Variants in RYR2 observed in about 807,000 individuals in gnomAD.
The protein encoded by RYR2 is cardiac muscle ryanodine receptor-calcium release channel.
Under a neutral mutation model 601.1 loss-of-function variants are expected in RYR2, and 227 were observed. That is an observed-to-expected ratio of 0.38 (90% CI 0.34 to 0.42). The LOEUF (loss-of-function observed/expected upper bound fraction) is 0.42, where lower values mean the gene tolerates loss of function less well. Among genes scored for constraint, RYR2 ranks in the 10% least tolerant of loss-of-function variants. RYR2 has a pLI of 1.00. For missense variants in RYR2, 4,646 were observed against 6,156.5 expected (o/e 0.75, Z 8.21); for synonymous variants, 2,223 against 2,175.1 (o/e 1.02, Z -0.61).
intron 28 of RYR2, 58 bp from the exon 29 acceptor site, chr1:237,569,087 G>A (rs1240949533): frequency 1.3e-6 from 2 of 1,519,572 alleles, no homozygotes; most frequent in African/African-American, 2.7e-5. Flanking sequence ...AGAGTGGTGG[G>A]TGGGTGCGAT....
At chr1:237,488,392 G>A (rs372657540) in intron 17 of RYR2, among the ~76,000 whole-genome samples, 4 of 152,138 alleles carry the variant, frequency 2.6e-5, no homozygotes, top group East Asian at 1.9e-4. Context: ...AAGAAAGTTC[G>A]TCCTCACATG....
At position 237,427,055 on chromosome 1, in the gene RYR2, A is replaced by G. The variant is rs537631278; in HGVS notation, c.1005+3807A>G. 3.0e-4 allele frequency among the ~76,000 whole-genome samples: 45 copies of G among 152,350 alleles called. 1 individual carries two copies. Among genetic ancestry groups the G allele is most frequent in the African/African-American group, 1.1e-3 (45 of 41,576 alleles). ...ATGGAAGCATAAATACTTAACAGCC[A>G]AAAAGGAAACACTCAAATATAATAC... is the stretch of plus-strand genomic sequence containing the variant. On this transcript the variant is annotated intron_variant, in intron 12 of 104. Transcript: ENST00000366574.
chr1:237,675,967 A>G (rs1280724559), intron 60 of RYR2, among the ~76,000 whole-genome samples: 1 of 152,170 alleles, frequency 6.6e-6, no homozygotes. Context: ...TATGACTCAT[A>G]TAACTAACAA....
chr1:237,405,597 C>T lies in RYR2; in HGVS notation c.774-11452C>T, dbSNP rs142621211. ...TCCATCAGAGATGTTTTCCTTCTTA[C>T]AGCCCATAACTTGGTTATGTATACC... On this transcript the variant is annotated intron_variant, in intron 10 of 104. Coordinates refer to ENST00000366574, the MANE Select transcript of RYR2 (RefSeq NM_001035.3). Among the ~76,000 whole-genome samples, 250 of 152,260 alleles carry T rather than the reference C, an allele frequency of 1.6e-3. 1 individual carries two copies. The highest frequency in any genetic ancestry group is 5.8e-3 in the African/African-American group (240 of 41,568).
chr1:237,048,299 C>T lies in RYR2; in HGVS notation c.48+5730C>T, dbSNP rs75903239. 4.6e-5 allele frequency among the ~76,000 whole-genome samples: 7 copies of T among 152,312 alleles called. No individual in the cohort carries two copies. The East Asian group carries it at 1.3e-3, about 29-fold the overall frequency. Reference sequence around the variant, plus strand: ...ATGCATTTGTCTAGTTCTCTTTCTTCTCTTCTGCATCTAATTTGTCATCAT... The same window carrying T: ...ATGCATTTGTCTAGTTCTCTTTCTTTTCTTCTGCATCTAATTTGTCATCAT... On this transcript the variant is annotated intron_variant, in intron 1 of 104. Coordinates refer to ENST00000366574, the MANE Select transcript of RYR2 (RefSeq NM_001035.3).
At chr1:237,282,089 C>G (rs1690951174) in intron 2 of RYR2, among the ~76,000 whole-genome samples, 1 of 152,030 alleles carries the variant, frequency 6.6e-6, no homozygotes, top group Non-Finnish European at 1.5e-5. Flanking sequence ...AAAGTATATA[C>G]TGCAGAAAGT....
At chr1:237,772,317 G>A (rs1279925144) in intron 86 of RYR2, among the ~76,000 whole-genome samples, 2 of 152,158 alleles carry the variant, frequency 1.3e-5, no homozygotes, top group Non-Finnish European at 2.9e-5. Context: ...ATTTCTGTAA[G>A]TAGAGATTTT....
chr1:237,807,580 G>C (rs960933194), intron 99 of RYR2, among the ~76,000 whole-genome samples: 2 of 152,098 alleles, frequency 1.3e-5, no homozygotes, highest in Non-Finnish European at 2.9e-5. Flanking sequence ...TCGAACTTCT[G>C]ACCTCAGGTG....
At chr1:237,538,315 A>T (rs1445639941) in intron 25 of RYR2, among the ~76,000 whole-genome samples, 2 of 138,292 alleles carry the variant, frequency 1.4e-5, no homozygotes, top group Non-Finnish European at 3.0e-5. Flanking sequence ...GAATTGCTTG[A>T]ACCCAGGAGG....
At chr1:237,372,238 T>A (rs921303984) in intron 6 of RYR2, among the ~76,000 whole-genome samples, 2 of 152,208 alleles carry the variant, frequency 1.3e-5, no homozygotes, top group African/African-American at 4.8e-5. Context: ...TCATTTCTTT[T>A]AATGTGTTAC....
intron 1 of RYR2, among the ~76,000 whole-genome samples, chr1:237,237,908 T>G (rs374487372): frequency 1.2e-5 from 1 of 84,276 alleles, no homozygotes; most frequent in Non-Finnish European, 2.9e-5. Context: ...CTTTCCTTTT[T>G]CCTTTCCTTT....
At chr1:237,714,870 T>A (rs1689128157) in intron 71 of RYR2, among the ~76,000 whole-genome samples, 1 of 151,476 alleles carries the variant, frequency 6.6e-6, no homozygotes, top group African/African-American at 2.4e-5. Context: ...GGTGGGTGCC[T>A]CTAATCCCAG....
intron 19 of RYR2, 95 bp downstream of exon 19, chr1:237,493,182 A>G: frequency 7.5e-7 from 1 of 1,325,400 alleles, no homozygotes; most frequent in Non-Finnish European, 1.1e-6. Context: ...TGTTTTTTAA[A>G]TTAGACCATA....
chr1:237,242,871 A>T (rs544421657), intron 1 of RYR2, among the ~76,000 whole-genome samples: 1 of 152,148 alleles, frequency 6.6e-6, no homozygotes, highest in Admixed American at 6.6e-5. Flanking sequence ...CAGAAACCCA[A>T]CTGAAACTGA....
rs1359233766 is a variant in RYR2, at chr1:237,792,382, C to CGTGTGTGTGTGTGT, written c.13782+61_13782+74dup. On this transcript the variant is annotated intron_variant, in intron 94 of 104. Coordinates refer to ENST00000366574, the MANE Select transcript of RYR2 (RefSeq NM_001035.3). ...GTGTGTGTGTGTGTGTGTGTGTGTGCGTGTGTGTGTGTGTGCGTGTGTGTG... is the reference window on the plus strand; with the variant it reads ...GTGTGTGTGTGTGTGTGTGTGTGTGCGTGTGTGTGTGTGTGTGTGTGTGTGTGTGCGTGTGTGTG... 6.9e-5 allele frequency: 46 copies of CGTGTGTGTGTGTGT among 667,122 alleles called. 1 individual carries two copies. The highest frequency in any genetic ancestry group is 2.0e-4 in the Admixed American group (6 of 29,598). 41.3% of individuals were successfully genotyped at this position (667,122 alleles called of 1,614,324 possible).
At position 237,674,775 on chromosome 1, in the gene RYR2, G is replaced by A. The variant is rs756302327; in HGVS notation, c.8759G>A (p.Arg2920Gln). The A allele has an allele frequency of 3.1e-6, 5 of 1,612,488 alleles. No homozygotes were observed. Among genetic ancestry groups the A allele is most frequent in the South Asian group, 1.1e-5 (1 of 90,972 alleles). ...LELDTPSIEK[R>Q]FAYSFLQQLI... ...CTGGACACGCCTTCTATTGAGAAAC[G>A]ATTTGCCTATAGTTTCCTCCAACAA... Residue 2920 changes from arginine to glutamine, a missense_variant, in exon 60 of 105, where the codon CGA becomes CAA. Around this residue, in one of 17 missense-constraint regions of RYR2, gnomAD observed 1,497 missense variants for 1,842.6 expected, o/e 0.81. Coordinates refer to ENST00000366574, the MANE Select transcript of RYR2 (RefSeq NM_001035.3).
chr1:237,608,487 C>T (rs1350483593), intron 35 of RYR2, among the ~76,000 whole-genome samples: 2 of 151,984 alleles, frequency 1.3e-5, no homozygotes, highest in Non-Finnish European at 2.9e-5. Context: ...CACTTGAGCC[C>T]AGAAGTTTGA....
intron 1 of RYR2, among the ~76,000 whole-genome samples, chr1:237,261,831 C>T (rs1688558438): frequency 6.6e-6 from 1 of 152,108 alleles, no homozygotes; most frequent in Non-Finnish European, 1.5e-5. Context: ...CCTCAACTTC[C>T]CCCAGGCTAG....
chr1:237,800,852 G>A (rs1659873588), intron 97 of RYR2, among the ~76,000 whole-genome samples: 1 of 151,650 alleles, frequency 6.6e-6, no homozygotes, highest in Admixed American at 6.6e-5. Context: ...TGTGAGCTGG[G>A]GAGTTCACAG....
Sources: allele counts gnomAD v4.1 joint callset (sites outside exome capture counted in the v4.1 genomes callset), GRCh38; gene constraint gnomAD v4.1.1; regional missense constraint gnomAD v4.1.1; transcripts MANE v1.5; gene names NCBI Gene and HGNC (gene_info 2026-07-23, HGNC 2026-07-21).